Variants in FSTL4 observed in about 807,000 individuals in gnomAD.
FSTL4 encodes follistatin-related protein 4.
A neutral mutation model predicts 78.2 loss-of-function variants in FSTL4; 28 were observed. The ratio of observed to expected loss-of-function variants is 0.36; its 90% CI spans 0.27 to 0.49. The LOEUF is 0.49. Among genes scored for constraint, FSTL4 ranks in the 20% least tolerant of loss-of-function variants. The pLI is 0.98. For synonymous variants in FSTL4, 422 were observed against 440.5 expected, an observed-to-expected ratio of 0.96 and a Z score of 0.53; for missense variants, 922 against 1,084.9, an observed-to-expected ratio of 0.85 and a Z score of 2.11.
At chr5:133,260,426 G>A (rs1453800178) in intron 6 of FSTL4, among the ~76,000 whole-genome samples, 1 of 152,236 alleles carries the variant, frequency 6.6e-6, no homozygotes, top group African/African-American at 2.4e-5. Flanking sequence ...GTTTACATCA[G>A]TGTATTTGTT....
intron 4 of FSTL4, among the ~76,000 whole-genome samples, chr5:133,349,134 C>T (rs925824239): frequency 2.0e-5 from 3 of 152,192 alleles, no homozygotes; most frequent in Non-Finnish European, 4.4e-5. Flanking sequence ...AACTTCAGTC[C>T]TCTTTGCAGA....
the FSTL4 span, among the ~76,000 whole-genome samples, chr5:133,791,065 G>A: frequency 2.6e-5 from 4 of 152,174 alleles, no homozygotes; most frequent in Admixed American, 1.3e-4. Flanking sequence ...TCACTCTGCT[G>A]TAGCCACACT....
At chr5:133,658,265 G>A in the FSTL4 span, among the ~76,000 whole-genome samples, 1 of 152,010 alleles carries the variant, frequency 6.6e-6, no homozygotes, top group Non-Finnish European at 1.5e-5. Context: ...TCATTTTTAG[G>A]ATCAGGTTTA....
At chr5:133,302,531 G>A (rs1307180904) in intron 6 of FSTL4, among the ~76,000 whole-genome samples, 1 of 152,202 alleles carries the variant, frequency 6.6e-6, no homozygotes, top group African/African-American at 2.4e-5. Context: ...GAGGCATTTG[G>A]TAAGGACAGA....
At chr5:133,793,713 C>T in the FSTL4 span, among the ~76,000 whole-genome samples, 1 of 152,174 alleles carries the variant, frequency 6.6e-6, no homozygotes, top group Non-Finnish European at 1.5e-5. Flanking sequence ...TCTCACATCT[C>T]GCGGCAACCC....
At chr5:133,818,025 A>C in the FSTL4 span, among the ~76,000 whole-genome samples, 4 of 152,354 alleles carry the variant, frequency 2.6e-5, no homozygotes, top group East Asian at 1.9e-4. Context: ...CTGGGAGTAA[A>C]CATGGCAACC....
intron 8 of FSTL4, among the ~76,000 whole-genome samples, chr5:133,227,954 C>A (rs1034384720): frequency 6.6e-6 from 1 of 152,198 alleles, no homozygotes; most frequent in Non-Finnish European, 1.5e-5. Flanking sequence ...AGGCCAGGTG[C>A]GGTGGCTCAT....
chr5:133,302,972 C>T (rs957423049), intron 6 of FSTL4, among the ~76,000 whole-genome samples: 1 of 152,264 alleles, frequency 6.6e-6, no homozygotes, highest in Non-Finnish European at 1.5e-5. Flanking sequence ...CTAGGCTCCT[C>T]TTCCCTGCTC....
intron 3 of FSTL4, among the ~76,000 whole-genome samples, chr5:133,552,462 G>T (rs1759706149): frequency 6.6e-6 from 1 of 152,154 alleles, no homozygotes; most frequent in African/African-American, 2.4e-5. Context: ...GAGGTCATGT[G>T]GGCCCAGGGT....
At chr5:133,326,889 G>A (rs1316530419) in intron 4 of FSTL4, among the ~76,000 whole-genome samples, 1 of 152,238 alleles carries the variant, frequency 6.6e-6, no homozygotes. Flanking sequence ...ACCAGGTGCT[G>A]CAGCCTGCCC....
At chr5:133,481,591 C>A (rs985409654) in intron 3 of FSTL4, among the ~76,000 whole-genome samples, 1 of 148,904 alleles carries the variant, frequency 6.7e-6, no homozygotes, top group Non-Finnish European at 1.5e-5. Context: ...GAACTCATCA[C>A]AGGTAGTCAG....
chr5:133,603,380 C>A (rs536179756), intron 2 of FSTL4, among the ~76,000 whole-genome samples: 2 of 152,284 alleles, frequency 1.3e-5, no homozygotes, highest in East Asian at 1.9e-4. Context: ...CTTATCTGTT[C>A]ATTAAAGCAC....
chr5:133,208,680 CTTTTT>C (rs771799738), intron 14 of FSTL4, among the ~76,000 whole-genome samples: 1 of 151,964 alleles, frequency 6.6e-6, no homozygotes, highest in Non-Finnish European at 1.5e-5. Flanking sequence ...ATGCATTTTT[CTTTTT>C]TTGTTTTTTG....
intron 3 of FSTL4, among the ~76,000 whole-genome samples, chr5:133,550,186 G>GT (rs1759663891): frequency 6.6e-6 from 1 of 152,150 alleles, no homozygotes; most frequent in African/African-American, 2.4e-5. Flanking sequence ...TTGCTTAAAT[G>GT]TTTTATCCAT....
the FSTL4 span, among the ~76,000 whole-genome samples, chr5:133,742,598 A>G: frequency 6.6e-6 from 1 of 152,188 alleles, no homozygotes; most frequent in South Asian, 2.1e-4. Flanking sequence ...GTTATCCCTC[A>G]ACCATGAAAG....
intron 3 of FSTL4, among the ~76,000 whole-genome samples, chr5:133,493,892 C>T (rs1033640487): frequency 6.6e-6 from 1 of 152,176 alleles, no homozygotes. Context: ...GATATTGAAC[C>T]TTCTAGCCCC....
rs1756806888 is a variant in FSTL4 at position 133,426,033 on chromosome 5, C to T, written c.161-25047G>A. ...CCTGAGCAAGACCCTTCTCTCTTGG[C>T]CTTGGTCTTCTCTTCTTCCACATAT... On this transcript the variant is annotated intron_variant, in intron 3 of 15. Coordinates refer to ENST00000265342, the MANE Select transcript of FSTL4 (RefSeq NM_015082.2). The surrounding 1 kb of genome is among the most constrained non-coding windows in gnomAD (Gnocchi z 5.0). 6.6e-6 allele frequency among the ~76,000 whole-genome samples: 1 copy of T among 152,200 alleles called. No individual in the cohort carries two copies. The highest frequency in any genetic ancestry group is 2.4e-5 in the African/African-American group (1 of 41,460).
At chr5:133,696,333 C>T in the FSTL4 span, among the ~76,000 whole-genome samples, 3 of 152,216 alleles carry the variant, frequency 2.0e-5, no homozygotes, top group South Asian at 4.1e-4. Context: ...AATATCCTGC[C>T]GAAGCCCTGT....
rs2126756703 is a variant in FSTL4 at position 133,199,497 on chromosome 5, G to C, written c.2127C>G (p.Pro709=). The change falls in exon 16 of 16, where the codon CCC becomes CCG. Residue 709 remains proline, a synonymous_variant. Coordinates refer to ENST00000265342, the MANE Select transcript of FSTL4 (RefSeq NM_015082.2). The surrounding 1 kb of genome is among the most constrained non-coding windows in gnomAD (Gnocchi z 4.4). ...CTGTGATCTCCTGCACGTGCAGCCAGGGGCTGTCAGCTGCAGCACTGACTA... is the reference window on the plus strand; with the variant it reads ...CTGTGATCTCCTGCACGTGCAGCCACGGGCTGTCAGCTGCAGCACTGACTA... ...RFIVSAAADS[P]WLHVQEITVR... is the part of the protein sequence containing the mutation. 6.2e-7 allele frequency: 1 copy of C among 1,614,226 alleles called. No individual in the cohort carries two copies. Among genetic ancestry groups the C allele is most frequent in the East Asian group, 2.2e-5 (1 of 44,882 alleles).
Sources: gnomAD v4.1 joint callset for allele counts (sites outside exome capture counted in the v4.1 genomes callset) on GRCh38, gnomAD v4.1.1 for gene constraint, Gnocchi (gnomAD v3.1) non-coding constraint, MANE v1.5 for transcripts, NCBI Gene and HGNC (gene_info 2026-07-23, HGNC 2026-07-21) for gene names.